PCNT: variants seen among roughly 807,000 people sequenced by gnomAD.
PCNT encodes pericentrin.
PCNT carries 319 observed loss-of-function variants against 380.4 expected under a neutral mutation model. The ratio of observed to expected loss-of-function variants is 0.84; its 90% CI spans 0.77 to 0.92. The LOEUF is 0.92. PCNT is among the 40% of genes least tolerant of loss of function. PCNT has a pLI of 0.00. For missense variants in PCNT, 4,400 were observed against 4,255.3 expected (o/e 1.03, Z -0.95); for synonymous variants, 1,845 against 1,735.2 (o/e 1.06, Z -1.57).
chr21:46,442,623 A>C, intron 44 of PCNT, 50 bp downstream of exon 44: 1 of 1,144,622 alleles, frequency 8.7e-7, no homozygotes, highest in Non-Finnish European at 1.3e-6. Context: ...CTTTCTTTCT[A>C]CTCTTGTTTT....
At chr21:46,337,428 G>A (rs898626666) in intron 3 of PCNT, among the ~76,000 whole-genome samples, 1 of 152,166 alleles carries the variant, frequency 6.6e-6, no homozygotes, top group African/African-American at 2.4e-5. Flanking sequence ...AGTCACAACT[G>A]TTTTCCAAGG....
rs1208129195 is a variant in PCNT, at chr21:46,336,987, TTTGTTTG to T, written c.639+2222_639+2228del. ...AAAAAAAAATTAGAAGGTTGTTTTT[TTTGTTTG>T]TTTGTTTGTTTGTTTGTTTTTTTGA... On this transcript the variant is annotated intron_variant, in intron 3 of 46. Coordinates refer to ENST00000359568, the MANE Select transcript of PCNT (RefSeq NM_006031.6). Among the ~76,000 whole-genome samples, 12 of 17,264 alleles carry T rather than the reference TTTGTTTG, an allele frequency of 7.0e-4. No homozygotes were observed. The East Asian group carries it at 0.053, about 76-fold the overall frequency. 11.3% of individuals were successfully genotyped at this position (17,264 alleles called of 152,430 possible).
intron 22 of PCNT, 109 bp from the exon 23 acceptor site, chr21:46,397,905 C>T: frequency 7.6e-6 from 6 of 785,572 alleles, no homozygotes; most frequent in Non-Finnish European, 1.3e-5. Context: ...GGAGTCTGAG[C>T]TGCTGGGCAG....
At chr21:46,440,423 A>G (rs552039642) in intron 42 of PCNT, among the ~76,000 whole-genome samples, 1 of 152,358 alleles carries the variant, frequency 6.6e-6, no homozygotes, top group African/African-American at 2.4e-5. Flanking sequence ...GGAACGTGGA[A>G]GGCTTTGACA....
intron 10 of PCNT, among the ~76,000 whole-genome samples, chr21:46,353,603 T>C (rs2084355090): frequency 6.6e-6 from 1 of 151,696 alleles, no homozygotes; most frequent in African/African-American, 2.4e-5. Flanking sequence ...TGTGTGTGTG[T>C]GCATGAGTCA....
rs1359878462 is a variant in PCNT, at chr21:46,374,024, G to A, written c.3165+6885G>A. On this transcript the variant is annotated intron_variant, in intron 15 of 46. Transcript: ENST00000359568. ...ATTACAGGCGTGAGCCACTGCGCCC[G>A]GCCGCTCAGATACTCTTTTATGTGA... Among the ~76,000 whole-genome samples the A allele has an allele frequency of 3.3e-5, 5 of 152,102 alleles. No homozygotes were observed. The East Asian group carries it at 5.8e-4, about 18-fold the overall frequency.
At chr21:46,406,732 C>T (rs1218560361) in intron 27 of PCNT, among the ~76,000 whole-genome samples, 3 of 152,214 alleles carry the variant, frequency 2.0e-5, no homozygotes, top group Non-Finnish European at 4.4e-5. Flanking sequence ...AGGTTTTTCA[C>T]AGGTGCCTTT....
chr21:46,357,601 A>G (rs1031399314), intron 13 of PCNT, among the ~76,000 whole-genome samples: 4 of 151,718 alleles, frequency 2.6e-5, no homozygotes, highest in African/African-American at 9.7e-5. Context: ...TAATTTTTGT[A>G]TTTTTTTTGT....
rs1905388557 is a variant in PCNT, at chr21:46,416,840, G to T, written c.6921+1G>T. 6.3e-7 allele frequency: 1 copy of T among 1,597,232 alleles called. No homozygotes were observed. The highest frequency in any genetic ancestry group is 1.3e-5 in the African/African-American group (1 of 74,888). The stretch of plus-strand genomic sequence containing the variant: ...CCACCATGTGCAGAGGACGGCTGTG[G>T]TAGGTGCCTGCTCTGCTCCCAGGCC... On this transcript the variant is annotated splice_donor_variant, in intron 30 of 46. Coordinates refer to ENST00000359568, the MANE Select transcript of PCNT (RefSeq NM_006031.6). LOFTEE classifies it high-confidence loss of function.
intron 32 of PCNT, among the ~76,000 whole-genome samples, chr21:46,422,397 G>T (rs924853969): frequency 6.8e-6 from 1 of 146,042 alleles, no homozygotes; most frequent in Non-Finnish European, 1.5e-5. Flanking sequence ...GCCCCGAGTC[G>T]CAGAGCCGGC....
intron 15 of PCNT, among the ~76,000 whole-genome samples, chr21:46,374,693 T>C (rs2085275141): frequency 6.6e-6 from 1 of 151,838 alleles, no homozygotes. Flanking sequence ...TTACTAAAAA[T>C]ACAAAACTAG....
intron 3 of PCNT, among the ~76,000 whole-genome samples, chr21:46,345,686 C>G (rs1187306082): frequency 6.6e-6 from 1 of 152,212 alleles, no homozygotes; most frequent in Non-Finnish European, 1.5e-5. Context: ...TCCAGTGGCT[C>G]CAGACATCAT....
chr21:46,429,623 C>T (rs903511775), intron 35 of PCNT, among the ~76,000 whole-genome samples: 2 of 152,206 alleles, frequency 1.3e-5, no homozygotes, highest in African/African-American at 2.4e-5. Context: ...CCCCTCCGCC[C>T]TCCGTTGTCT....
At chr21:46,427,524 G>A (rs552560061) in intron 33 of PCNT, 98 bp from the exon 34 acceptor site, 20 of 1,380,902 alleles carry the variant, frequency 1.4e-5, no homozygotes, top group Admixed American at 3.4e-5. Context: ...ATCACCTCCC[G>A]CAGGCCCCAT....
At chr21:46,413,324 C>T (rs1188519645) in intron 29 of PCNT, among the ~76,000 whole-genome samples, 26 of 73,340 alleles carry the variant, frequency 3.5e-4, no homozygotes, top group African/African-American at 4.5e-4. Flanking sequence ...GAGGCCCACC[C>T]GGGAGAGGCT....
In PCNT at chr21:46,354,000, G is replaced by A; in HGVS notation, c.1693G>A (p.Gly565Ser). The change falls in exon 11 of 47, where the codon GGT (glycine) becomes AGT (serine). Residue 565 changes from glycine (G) to serine (S), a missense_variant. Gly to Ser is a moderately conservative substitution (Grantham distance 56, BLOSUM62 0). Coordinates refer to ENST00000359568, the MANE Select transcript of PCNT (RefSeq NM_006031.6). ...TTTTCCCTTCAGGTTGTCCTGTGTG[G>A]GTTTAGAAGAGAAACCTGAGAAAGG... Reference protein sequence around the residue: ...DSVEVGLSCVGLEEKPEKGRK... With the variant: ...DSVEVGLSCVSLEEKPEKGRK... 6.2e-7 allele frequency: 1 copy of A among 1,613,872 alleles called. No individual in the cohort carries two copies. The highest frequency in any genetic ancestry group is 1.7e-4 in the Middle Eastern group (1 of 6,060).
intron 1 of PCNT, among the ~76,000 whole-genome samples, chr21:46,326,098 A>T (rs748465019): frequency 1.3e-5 from 2 of 152,112 alleles, no homozygotes; most frequent in Admixed American, 1.3e-4. Flanking sequence ...TTAAAGTTTT[A>T]TTTTTCTGTA....
rs576018242 is a variant in PCNT at position 46,443,786 on chromosome 21, G to C, written c.9701-24G>C. ...CATTCATTTATTTTCCTAATCCCTT[G>C]GTTGTTAAATAATTCTGGGGAAGGG... On this transcript the variant is annotated intron_variant, in intron 44 of 46. Transcript: ENST00000359568. The C allele has an allele frequency of 5.0e-6, 8 of 1,612,640 alleles. No individual in the cohort carries two copies. The Admixed American group carries it at 1.2e-4, about 24-fold the overall frequency.
At chr21:46,361,844 A>T (rs1455058960) in intron 13 of PCNT, among the ~76,000 whole-genome samples, 2 of 152,082 alleles carry the variant, frequency 1.3e-5, no homozygotes, top group African/African-American at 2.4e-5. Flanking sequence ...CTTGTTCAGG[A>T]TTTAAAGATG....
Sources: allele counts gnomAD v4.1 joint callset (sites outside exome capture counted in the v4.1 genomes callset), GRCh38; gene constraint gnomAD v4.1.1; transcripts MANE v1.5; gene names NCBI Gene and HGNC (gene_info 2026-07-23, HGNC 2026-07-21).